KIF1B: variants seen among roughly 807,000 people sequenced by gnomAD.
KIF1B encodes kinesin family member 1B, also known as kinesin-like protein KIF1B.
KIF1B carries 76 observed loss-of-function variants against 241.9 expected under a neutral mutation model. The ratio of observed to expected loss-of-function variants is 0.31; its 90% CI spans 0.26 to 0.38. KIF1B has a LOEUF of 0.38. Ranked by LOEUF, KIF1B falls within the 10% of genes least tolerant of loss-of-function variation. KIF1B has a pLI of 1.00. For missense variants in KIF1B, 1,622 were observed against 2,271.4 expected (o/e 0.71, Z 5.81); for synonymous variants, 750 against 796.7 (o/e 0.94, Z 0.99).
chr1:10,212,040 C>A (rs1050648169), intron 1 of KIF1B, among the ~76,000 whole-genome samples: 1 of 152,094 alleles, frequency 6.6e-6, no homozygotes, highest in African/African-American at 2.4e-5. Context: ...TGTGGAATCT[C>A]GAGGTAGCTG....
chr1:10,237,923 C>G (rs974672144), intron 2 of KIF1B, among the ~76,000 whole-genome samples: 1 of 151,628 alleles, frequency 6.6e-6, no homozygotes, highest in Non-Finnish European at 1.5e-5. Flanking sequence ...GTGGGAGTAT[C>G]ACTTGAGCCC....
rs1328124112 is a variant in KIF1B, at chr1:10,336,637, A to T, written c.3044-20A>T. 6.2e-7 allele frequency: 1 copy of T among 1,604,072 alleles called. No individual in the cohort carries two copies. The highest frequency in any genetic ancestry group is 1.3e-5 in the African/African-American group (1 of 74,548). On this transcript the variant is annotated intron_variant, in intron 28 of 48. Transcript: ENST00000676179. ...TGTGTAGTCTCACTCAATTCTTGCT[A>T]ATTTTTTTTTCTGCTTTAGCGGATG...
At chr1:10,220,443 G>C (rs1257810988) in intron 1 of KIF1B, among the ~76,000 whole-genome samples, 1 of 145,542 alleles carries the variant, frequency 6.9e-6, no homozygotes, top group Non-Finnish European at 1.5e-5. Context: ...AGATAGATAT[G>C]TACTAAATGT....
In KIF1B at chr1:10,374,408, G is replaced by A. The variant is rs775552504; in HGVS notation, c.5039G>A (p.Arg1680Gln). ...VPAVETPYLA[R>Q]AGKNEFLNLV... ...GCTGTGGAAACACCATATTTGGCCC[G>A]AGCAGGAAAAAACGAATTTCTCAAT... The change falls in exon 46 of 49, where the codon CGA becomes CAA. Residue 1680 changes from arginine to glutamine, a missense_variant. Around this residue, in one of 7 missense-constraint regions of KIF1B, gnomAD observed 357 missense variants for 409.0 expected, o/e 0.87. Coordinates refer to ENST00000676179, the MANE Select transcript of KIF1B (RefSeq NM_001365951.3). This position sits in a 1 kb window ranked among gnomAD's most constrained non-coding sequence, Gnocchi z 4.3. The A allele has an allele frequency of 1.7e-5, 27 of 1,614,004 alleles. No individual in the cohort carries two copies. The highest frequency in any genetic ancestry group is 3.3e-5 in the South Asian group (3 of 91,086).
At chr1:10,334,729 A>C (rs1652099931) in intron 28 of KIF1B, 91 bp downstream of exon 28, 4 of 961,014 alleles carry the variant, frequency 4.2e-6, no homozygotes, top group Non-Finnish European at 6.8e-6. Flanking sequence ...TATATTACAC[A>C]TACAAACTGT....
chr1:10,265,396 G>A (rs1251094469), intron 5 of KIF1B, among the ~76,000 whole-genome samples: 3 of 151,924 alleles, frequency 2.0e-5, no homozygotes, highest in Non-Finnish European at 2.9e-5. Context: ...TACCATGCCT[G>A]GCTAATTCTT....
At chr1:10,359,655 A>G (rs1638357173) in intron 38 of KIF1B, among the ~76,000 whole-genome samples, 1 of 152,102 alleles carries the variant, frequency 6.6e-6, no homozygotes, top group Non-Finnish European at 1.5e-5. Context: ...AAGCTAACAA[A>G]TGGTATTTGT....
chr1:10,349,993 G>A (rs943412372), intron 37 of KIF1B, among the ~76,000 whole-genome samples: 7 of 152,170 alleles, frequency 4.6e-5, no homozygotes, highest in African/African-American at 1.7e-4. Context: ...AGTGATCAAT[G>A]AAAAAGATAT....
At chr1:10,297,523 G>A (rs1011056790) in intron 22 of KIF1B, among the ~76,000 whole-genome samples, 4 of 152,124 alleles carry the variant, frequency 2.6e-5, no homozygotes, top group African/African-American at 9.7e-5. Flanking sequence ...AGCTTTTCTG[G>A]TAGCCTTTGC....
Position 10,306,256 on chromosome 1 carries a change from G to C in KIF1B, c.2115+9010G>C, listed in dbSNP as rs1569782628. The C allele has an allele frequency of 8.6e-6, 9 of 1,042,210 alleles. No homozygotes were observed. The South Asian group carries it at 3.7e-4, about 43-fold the overall frequency. The allele number at this position is 1,042,210 out of a possible 1,614,324, so 64.6% of individuals were successfully genotyped here. A position where few individuals can be genotyped will look rare whatever the true frequency, so the allele number is the denominator to read the frequency against. ...GAGGTTTTATAGCAGATTAGACATGGGTAAATGATGTCTGTAATGGGTTGA... is the reference window on the plus strand; with the variant it reads ...GAGGTTTTATAGCAGATTAGACATGCGTAAATGATGTCTGTAATGGGTTGA... On this transcript the variant is annotated intron_variant, in intron 22 of 48. Transcript: ENST00000676179.
At chr1:10,233,218 T>C (rs1257866832) in intron 2 of KIF1B, among the ~76,000 whole-genome samples, 1 of 152,250 alleles carries the variant, frequency 6.6e-6, no homozygotes, top group African/African-American at 2.4e-5. Context: ...AGCTAGATAT[T>C]GCAGCCCACA....
At chr1:10,354,032 T>A (rs554197048) in intron 38 of KIF1B, among the ~76,000 whole-genome samples, 1 of 152,166 alleles carries the variant, frequency 6.6e-6, no homozygotes, top group African/African-American at 2.4e-5. Context: ...TGGGCTTTGG[T>A]TGAAATACTG....
chr1:10,305,270 T>G, intron 22 of KIF1B: 1 of 1,042,234 alleles, frequency 9.6e-7, no homozygotes. Flanking sequence ...TTCTGTATTT[T>G]ACAAAAAACT....
At chr1:10,229,391 A>G (rs911290657) in intron 1 of KIF1B, among the ~76,000 whole-genome samples, 2 of 152,198 alleles carry the variant, frequency 1.3e-5, no homozygotes, top group African/African-American at 4.8e-5. Flanking sequence ...CATTCATTTC[A>G]TCAACATTTA....
chr1:10,304,776 T>C lies in KIF1B; in HGVS notation c.2115+7530T>C, dbSNP rs1019467834. 13 of 1,528,952 alleles carry C rather than the reference T, an allele frequency of 8.5e-6. No individual in the cohort carries two copies. The Admixed American group carries it at 2.2e-4, about 26-fold the overall frequency. 94.7% of individuals were successfully genotyped at this position (1,528,952 alleles called of 1,614,324 possible). On this transcript the variant is annotated intron_variant, in intron 22 of 48. Transcript: ENST00000676179. ...TTATAAATATTAACTGGTTTTATAT[T>C]GTTAAGACAAAACACTGGTAAAAGT...
Position 10,352,642 on chromosome 1 carries a change from A to T in KIF1B, c.3961A>T (p.Asn1321Tyr), listed in dbSNP as rs562486803. 6.2e-7 allele frequency: 1 copy of T among 1,613,548 alleles called. No homozygotes were observed. The highest frequency in any genetic ancestry group is 1.3e-5 in the African/African-American group (1 of 75,014). Residue 1321 changes from asparagine (N) to tyrosine (Y), a missense_variant, in exon 38 of 49, where the codon AAT becomes TAT. Physicochemically the swap from Asn to Tyr is moderately radical, Grantham distance 143. This residue lies in a region of KIF1B where 803 missense variants were observed against 1,112.0 expected (regional missense o/e 0.72). Coordinates refer to ENST00000676179, the MANE Select transcript of KIF1B (RefSeq NM_001365951.3). The part of the protein sequence containing the change: ...VRELVVGRIR[N>Y]KPEVDEAAVD... Reference sequence around the variant, plus strand: ...ATCCTTTCTTTTAGGTCGTATTCGGAATAAGCCTGAGGTGGATGAAGCTGC... The same window carrying T: ...ATCCTTTCTTTTAGGTCGTATTCGGTATAAGCCTGAGGTGGATGAAGCTGC...
rs116629580 is a variant in KIF1B, at chr1:10,352,392, T to C, written c.3950-239T>C. 9.9e-3 allele frequency among the ~76,000 whole-genome samples: 1,501 copies of C among 152,248 alleles called. 18 individuals are homozygous for C. Among genetic ancestry groups the C allele is most frequent in the African/African-American group, 0.034 (1,405 of 41,532 alleles). Reference sequence around the variant, plus strand: ...GCCTTTTGTGATCAGGGCAATGATATTGTGAATAAAAGTTGGGATGAATGT... The same window carrying C: ...GCCTTTTGTGATCAGGGCAATGATACTGTGAATAAAAGTTGGGATGAATGT... On this transcript the variant is annotated intron_variant, in intron 37 of 48. Transcript: ENST00000676179.
intron 1 of KIF1B, among the ~76,000 whole-genome samples, chr1:10,224,151 G>C (rs916766612): frequency 1.3e-5 from 2 of 151,772 alleles, no homozygotes; most frequent in African/African-American, 2.4e-5. Context: ...GTCTCGCTCT[G>C]TTGCCCAGGC....
At chr1:10,228,169 G>T (rs1646934632) in intron 1 of KIF1B, among the ~76,000 whole-genome samples, 1 of 151,774 alleles carries the variant, frequency 6.6e-6, no homozygotes, top group African/African-American at 2.4e-5. Flanking sequence ...TGACCTGGGT[G>T]ACAGAGTGAG....
Sources: allele counts gnomAD v4.1 joint callset (sites outside exome capture counted in the v4.1 genomes callset), GRCh38; gene constraint gnomAD v4.1.1; regional missense constraint gnomAD v4.1.1; non-coding constraint Gnocchi (gnomAD v3.1); transcripts MANE v1.5; gene names NCBI Gene and HGNC (gene_info 2026-07-23, HGNC 2026-07-21).